CNTNAP2: variants seen among roughly 807,000 people sequenced by gnomAD.
The protein encoded by CNTNAP2 is contactin-associated protein-like 2.
In CNTNAP2, 98 loss-of-function variants were observed where a neutral mutation model predicts 155.2. The observed-to-expected ratio is 0.63, with a 90% confidence interval of 0.54 to 0.75. CNTNAP2 has a LOEUF of 0.75. Among genes scored for constraint, CNTNAP2 ranks in the 30% least tolerant of loss-of-function variants. The pLI, the probability that CNTNAP2 is intolerant of heterozygous loss-of-function variation, is 0.00. For synonymous variants in CNTNAP2, 651 were observed against 631.2 expected, an observed-to-expected ratio of 1.03 and a Z score of -0.47; for missense variants, 1,727 against 1,688.1, an observed-to-expected ratio of 1.02 and a Z score of -0.40.
chr7:146,197,824 C>T (rs1466627990), intron 1 of CNTNAP2, among the ~76,000 whole-genome samples: 1 of 151,970 alleles, frequency 6.6e-6, no homozygotes, highest in Non-Finnish European at 1.5e-5. Flanking sequence ...GTATATTAGC[C>T]CATTTTCACA....
chr7:146,818,728 T>C (rs1267127652), intron 2 of CNTNAP2, among the ~76,000 whole-genome samples: 1 of 152,168 alleles, frequency 6.6e-6, no homozygotes. Context: ...TGAAAACTTT[T>C]GTTACAAGTA....
chr7:148,369,892 A>G (rs1798856624), intron 21 of CNTNAP2, among the ~76,000 whole-genome samples: 1 of 152,150 alleles, frequency 6.6e-6, no homozygotes, highest in Admixed American at 6.5e-5. Context: ...CAGAACATCC[A>G]GAATCTAATT....
chr7:147,344,698 T>G (rs962876583), intron 9 of CNTNAP2, among the ~76,000 whole-genome samples: 6 of 152,208 alleles, frequency 3.9e-5, no homozygotes, highest in Non-Finnish European at 8.8e-5. Context: ...GTGAAATTAG[T>G]TTTCTCCTAC....
intron 4 of CNTNAP2, among the ~76,000 whole-genome samples, chr7:147,054,301 A>G (rs1584807653): frequency 6.6e-6 from 1 of 152,186 alleles, no homozygotes; most frequent in East Asian, 1.9e-4. Flanking sequence ...TTAAATGACT[A>G]ATCTTCATAA....
intron 15 of CNTNAP2, among the ~76,000 whole-genome samples, chr7:148,013,900 A>C (rs1461185387): frequency 6.6e-6 from 1 of 152,202 alleles, no homozygotes; most frequent in Admixed American, 6.5e-5. Context: ...GAGGACTGTG[A>C]TCACGGAAAC....
rs1797833513 is a variant in CNTNAP2, at chr7:147,792,371, C to CGCTAACCT, written c.2099-111194_2099-111193insGCTAACCT. ...CGCCAACTTCTCAGCCCTAAGCAAC[C>CGCTAACCT]ACTTTCTGTATCTATGGATTTACCT... is the stretch of plus-strand genomic sequence containing the variant. On this transcript the variant is annotated intron_variant, in intron 13 of 23. Transcript: ENST00000361727. Among the ~76,000 whole-genome samples the CGCTAACCT allele has an allele frequency of 5.9e-5, 9 of 151,488 alleles. No homozygotes were observed. The South Asian group carries it at 1.9e-3, about 31-fold the overall frequency.
intron 1 of CNTNAP2, among the ~76,000 whole-genome samples, chr7:146,298,209 T>TGATTTGTTTTGTTTTGTTTTTC: frequency 1.3e-5 from 2 of 152,316 alleles, no homozygotes; most frequent in South Asian, 2.1e-4. Flanking sequence ...TGTGGTTTTT[T>TGATTTGTTTTGTTTTGTTTTTC]GCTTTGTTTT....
At chr7:147,565,512 C>T (rs1289619693) in intron 12 of CNTNAP2, among the ~76,000 whole-genome samples, 1 of 152,128 alleles carries the variant, frequency 6.6e-6, no homozygotes, top group Non-Finnish European at 1.5e-5. Context: ...TTGGGACCAG[C>T]TCTGAAGCTA....
chr7:148,187,741 C>G (rs2116712732), intron 18 of CNTNAP2, among the ~76,000 whole-genome samples: 1 of 152,208 alleles, frequency 6.6e-6, no homozygotes, highest in East Asian at 1.9e-4. Context: ...ACTCTGATCC[C>G]AACATGAGCT....
intron 1 of CNTNAP2, among the ~76,000 whole-genome samples, chr7:146,535,840 G>A (rs802003): frequency 0.45 from 68,032 of 151,792 alleles, 17,284 homozygotes; most frequent in African/African-American, 0.7. Context: ...GTTAAAAAAC[G>A]GTTCATCTCA....
At chr7:148,088,227 T>C (rs1290949617) in intron 15 of CNTNAP2, among the ~76,000 whole-genome samples, 2 of 152,050 alleles carry the variant, frequency 1.3e-5, no homozygotes, top group African/African-American at 4.8e-5. Flanking sequence ...ATTTCTTTAG[T>C]TTTTATATTT....
chr7:146,433,605 TA>T (rs1217412093), intron 1 of CNTNAP2, among the ~76,000 whole-genome samples: 1 of 152,132 alleles, frequency 6.6e-6, no homozygotes, highest in Admixed American at 6.6e-5. Context: ...ATCTATATCA[TA>T]GTGGAGGAAT....
intron 8 of CNTNAP2, among the ~76,000 whole-genome samples, chr7:147,142,991 CTAG>C (rs1801630509): frequency 1.3e-5 from 2 of 152,140 alleles, no homozygotes; most frequent in African/African-American, 4.8e-5. Context: ...CTACCATCCT[CTAG>C]TATAGTGCCT....
chr7:146,630,114 C>G (rs1274188838), intron 1 of CNTNAP2, among the ~76,000 whole-genome samples: 1 of 151,866 alleles, frequency 6.6e-6, no homozygotes, highest in Non-Finnish European at 1.5e-5. Flanking sequence ...GGTATTTGTC[C>G]TAATGCTCTC....
At chr7:147,490,300 G>T (rs1222119054) in intron 11 of CNTNAP2, among the ~76,000 whole-genome samples, 1 of 152,064 alleles carries the variant, frequency 6.6e-6, no homozygotes, top group Non-Finnish European at 1.5e-5. Context: ...GCCAAATAAA[G>T]CAAAAGTAAA....
intron 15 of CNTNAP2, among the ~76,000 whole-genome samples, chr7:148,035,759 T>C (rs532291470): frequency 2.0e-5 from 3 of 152,266 alleles, no homozygotes; most frequent in African/African-American, 7.2e-5. Flanking sequence ...ATAGAGCTAC[T>C]AGCATGTAGC....
intron 1 of CNTNAP2, among the ~76,000 whole-genome samples, chr7:146,158,003 C>A (rs1798155401): frequency 6.6e-6 from 1 of 152,154 alleles, no homozygotes; most frequent in Admixed American, 6.5e-5. Flanking sequence ...CCAACTGACA[C>A]CTCATACAGC....
intron 1 of CNTNAP2, among the ~76,000 whole-genome samples, chr7:146,271,730 C>A (rs1800085404): frequency 6.6e-6 from 1 of 151,888 alleles, no homozygotes; most frequent in African/African-American, 2.4e-5. Context: ...TAGAGAGCCA[C>A]AATTTTCACA....
intron 9 of CNTNAP2, among the ~76,000 whole-genome samples, chr7:147,305,401 C>G (rs951510015): frequency 1.3e-4 from 20 of 152,148 alleles, no homozygotes; most frequent in Non-Finnish European, 2.9e-4. Context: ...CTGAAAATTT[C>G]TTAGTGATGG....
Sources: gnomAD v4.1 joint callset for allele counts (sites outside exome capture counted in the v4.1 genomes callset) on GRCh38, gnomAD v4.1.1 for gene constraint, MANE v1.5 for transcripts, NCBI Gene and HGNC (gene_info 2026-07-23, HGNC 2026-07-21) for gene names.